The following PHIP variants were observed in gnomAD, a reference collection of about 807,000 sequenced individuals.
PHIP encodes PHIP subunit of CUL4-Ring ligase complex.
In PHIP, 54 loss-of-function variants were observed where a neutral mutation model predicts 236.8. That is an observed-to-expected ratio of 0.23 (90% CI 0.18 to 0.29). PHIP has a LOEUF of 0.29. Among genes scored for constraint, PHIP ranks in the 10% least tolerant of loss-of-function variants. The probability of loss-of-function intolerance (pLI) is 1.00; values close to 1 mark genes in which losing one functional copy is unlikely to be tolerated. For missense variants in PHIP, 1,370 were observed against 2,190.8 expected (o/e 0.63, Z 7.48); for synonymous variants, 756 against 718.9 (o/e 1.05, Z -0.83).
At chr6:79,041,318 G>A (rs1171820921) in intron 7 of PHIP, among the ~76,000 whole-genome samples, 4 of 151,966 alleles carry the variant, frequency 2.6e-5, no homozygotes, top group Non-Finnish European at 5.9e-5. Flanking sequence ...TCATGAGATA[G>A]CAAAAAGCAC....
chr6:79,069,468 G>A (rs189093061), intron 4 of PHIP, among the ~76,000 whole-genome samples: 2 of 152,022 alleles, frequency 1.3e-5, no homozygotes, highest in East Asian at 3.9e-4. Context: ...AAGCACATAA[G>A]CTTAACTACT....
intron 30 of PHIP, 152 bp from the exon 31 acceptor site, chr6:78,961,962 A>G (rs1192845039): frequency 1.7e-6 from 1 of 605,910 alleles, no homozygotes; most frequent in Non-Finnish European, 2.9e-6. Context: ...TAGCTGACAT[A>G]AAGAGTCTCA....
rs149605061 is a variant in PHIP at position 79,003,569 on chromosome 6, C to A, written c.1653+161G>T. ...AAGTGAGATTTAACTGCTGTCTTCA[C>A]CTTCCTTTCCGAAACTAAGTCTCCA... On this transcript the variant is annotated intron_variant, in intron 16 of 39. Transcript: ENST00000275034. Among the ~76,000 whole-genome samples the A allele has an allele frequency of 6.4e-4, 97 of 152,034 alleles. 1 individual carries two copies. The South Asian group carries it at 7.9e-3, about 12-fold the overall frequency.
intron 4 of PHIP, among the ~76,000 whole-genome samples, chr6:79,069,768 A>G (rs1773796692): frequency 6.6e-6 from 1 of 151,924 alleles, no homozygotes. Flanking sequence ...ATTTCTTTAT[A>G]ATTATAATAA....
At chr6:79,040,896 C>CT (rs35197393) in intron 7 of PHIP, among the ~76,000 whole-genome samples, 140,494 of 152,108 alleles carry the variant, frequency 0.92, 64,996 homozygotes, top group East Asian at 1. Context: ...CATCTTTAGA[C>CT]TTTGGTAAGA....
intron 17 of PHIP, among the ~76,000 whole-genome samples, chr6:79,001,120 T>C (rs1181210525): frequency 6.6e-6 from 1 of 152,102 alleles, no homozygotes; most frequent in African/African-American, 2.4e-5. Context: ...AATATTTTCA[T>C]AAATATTTTT....
intron 4 of PHIP, 92 bp from the exon 5 acceptor site, chr6:79,060,910 A>G (rs1562218026): frequency 1.2e-6 from 1 of 836,520 alleles, no homozygotes; most frequent in African/African-American, 1.7e-5. Context: ...ATCCAAGTAT[A>G]AAATATTTTG....
intron 14 of PHIP, 72 bp from the exon 15 acceptor site, chr6:79,015,288 C>A: frequency 2.6e-6 from 3 of 1,170,878 alleles, no homozygotes; most frequent in Non-Finnish European, 3.7e-6. Context: ...AATGAAATAC[C>A]AATATGGCAC....
In PHIP at chr6:78,983,041, T is replaced by C; in HGVS notation, c.2614A>G (p.Asn872Asp). 1 of 1,612,626 alleles carries C rather than the reference T, an allele frequency of 6.2e-7. No individual in the cohort carries two copies. The highest frequency in any genetic ancestry group is 8.5e-7 in the Non-Finnish European group (1 of 1,179,380). Residue 872 changes from asparagine to aspartate, a missense_variant, in exon 23 of 40, where the codon AAT becomes GAT. By Grantham distance (23) the Asn-to-Asp change is conservative. Coordinates refer to ENST00000275034, the MANE Select transcript of PHIP (RefSeq NM_017934.7). ...NLQPPKKVPK[N>D]KTKKAESSSD... is the part of the protein sequence containing the mutation. ...CTGCTTTCTGCTTTCTTGGTTTTAT[T>C]CTTAGGAACTTTCTTTGGTGGCTGC...
intron 19 of PHIP, among the ~76,000 whole-genome samples, 172 bp from the exon 20 acceptor site, chr6:78,991,157 G>A (rs999617746): frequency 3.3e-5 from 5 of 152,046 alleles, no homozygotes; most frequent in East Asian, 1.9e-4. Flanking sequence ...CAGGACATCC[G>A]GCATTAAATG....
intron 4 of PHIP, among the ~76,000 whole-genome samples, chr6:79,072,419 C>T (rs1408582913): frequency 2.0e-5 from 3 of 152,070 alleles, no homozygotes; most frequent in Non-Finnish European, 4.4e-5. Flanking sequence ...AAACATTTTT[C>T]CTTTATTTTT....
chr6:78,960,736 G>T (rs1195269871), intron 31 of PHIP, among the ~76,000 whole-genome samples: 1 of 151,918 alleles, frequency 6.6e-6, no homozygotes, highest in Non-Finnish European at 1.5e-5. Context: ...CACATTTTTG[G>T]TTTTCACAAC....
Position 78,945,337 on chromosome 6 carries a change from C to T in PHIP, c.4791G>A (p.Ala1597=), listed in dbSNP as rs1415320780. ...CAGCTGATGACTTTGAAAGAGTGGA[C>T]GCCTTTGGGAGTACAGATGACTTCA... ...RKMKSSVLPK[A]STLSKSSAVI... is the part of the protein sequence containing the mutation. Residue 1597 remains alanine, a synonymous_variant, in exon 39 of 40, where the codon GCG becomes GCA. Coordinates refer to ENST00000275034, the MANE Select transcript of PHIP (RefSeq NM_017934.7). The T allele has an allele frequency of 5.0e-6, 8 of 1,613,374 alleles. No homozygotes were observed. Among genetic ancestry groups the T allele is most frequent in the East Asian group, 2.2e-5 (1 of 44,852 alleles).
At chr6:78,978,186 G>A (rs892375712) in intron 24 of PHIP, among the ~76,000 whole-genome samples, 1 of 151,824 alleles carries the variant, frequency 6.6e-6, no homozygotes, top group Non-Finnish European at 1.5e-5. Flanking sequence ...TGAACACTGT[G>A]GGTAAACAAA....
intron 7 of PHIP, among the ~76,000 whole-genome samples, chr6:79,036,023 C>A (rs1771912876): frequency 6.6e-6 from 1 of 152,110 alleles, no homozygotes; most frequent in African/African-American, 2.4e-5. Context: ...AGAAACATTA[C>A]GGTAAGGAAT....
intron 24 of PHIP, among the ~76,000 whole-genome samples, chr6:78,973,474 G>C (rs541835183): frequency 1.1e-5 from 1 of 94,782 alleles, no homozygotes; most frequent in Non-Finnish European, 2.2e-5. Context: ...ATCAACTAAT[G>C]AGCAAAATAA....
Position 78,970,824 on chromosome 6 carries a change from C to T in PHIP, c.2954G>A (p.Ser985Asn). ...CCATGGTTGTTTTTTGGGATTGATACTATATATTTTATTTTTCCGGGCCAT... is the reference window on the plus strand; with the variant it reads ...CCATGGTTGTTTTTTGGGATTGATATTATATATTTTATTTTTCCGGGCCAT... ...VEMARKNKIY[S>N]INPKKQPWHK... is the part of the protein sequence containing the mutation. Residue 985 changes from serine to asparagine, a missense_variant, in exon 25 of 40, where the codon AGT (serine) becomes AAT (asparagine). Physicochemically the swap from Ser to Asn is conservative, Grantham distance 46. Coordinates refer to ENST00000275034, the MANE Select transcript of PHIP (RefSeq NM_017934.7). The T allele has an allele frequency of 6.2e-7, 1 of 1,611,682 alleles. No individual in the cohort carries two copies. Among genetic ancestry groups the T allele is most frequent in the South Asian group, 1.1e-5 (1 of 90,560 alleles).
chr6:78,999,740 G>A lies in PHIP; in HGVS notation c.1880-1349C>T, dbSNP rs568021643. On this transcript the variant is annotated intron_variant, in intron 17 of 39. Transcript: ENST00000275034. ...GAGAGCAAGAATATTCTGAAATGAA[G>A]TAGTAGTAAGAAAGGTAAAAGGAAA... Among the ~76,000 whole-genome samples, 64 of 152,068 alleles carry A rather than the reference G, an allele frequency of 4.2e-4. No homozygotes were observed. The South Asian group carries it at 0.012, about 29-fold the overall frequency.
At chr6:78,942,369 G>A (rs1289277387) in intron 39 of PHIP, among the ~76,000 whole-genome samples, 3 of 152,182 alleles carry the variant, frequency 2.0e-5, no homozygotes, top group African/African-American at 7.2e-5. Flanking sequence ...TGTAATCCCA[G>A]CTACTCAGGG....
Sources: gnomAD v4.1 joint callset for allele counts (sites outside exome capture counted in the v4.1 genomes callset) on GRCh38, gnomAD v4.1.1 for gene constraint, MANE v1.5 for transcripts, NCBI Gene and HGNC (gene_info 2026-07-23, HGNC 2026-07-21) for gene names.